USP42: variants seen among roughly 807,000 people sequenced by gnomAD.
USP42 encodes the protein ubiquitin carboxyl-terminal hydrolase 42.
In USP42, 23 loss-of-function variants were observed where a neutral mutation model predicts 113.0. The observed-to-expected ratio is 0.20, with a 90% CI of 0.15 to 0.29. USP42 has a LOEUF of 0.29. Ranked by LOEUF, USP42 falls within the 10% of genes least tolerant of loss-of-function variation. The pLI is 1.00. For synonymous variants in USP42, 933 were observed against 699.0 expected (o/e 1.33, Z -5.28); for missense variants, 2,174 against 1,779.8 (o/e 1.22, Z -3.99).
intron 6 of USP42, 117 bp downstream of exon 6, chr7:6,140,312 A>T: frequency 1.1e-6 from 1 of 938,084 alleles, no homozygotes; most frequent in Non-Finnish European, 1.6e-6. Context: ...TCCAGCCCAG[A>T]TTCTCATTCC....
intron 3 of USP42, among the ~76,000 whole-genome samples, chr7:6,115,776 G>T (rs1003494167): frequency 6.6e-6 from 1 of 152,014 alleles, no homozygotes; most frequent in Non-Finnish European, 1.5e-5. Flanking sequence ...TGAACTCCTT[G>T]TTGGTTTTCT....
intron 3 of USP42, among the ~76,000 whole-genome samples, chr7:6,130,066 G>C (rs916084170): frequency 1.3e-5 from 2 of 152,136 alleles, no homozygotes; most frequent in Non-Finnish European, 2.9e-5. Context: ...GCTCACTGCA[G>C]CTCCCACCTC....
intron 3 of USP42, among the ~76,000 whole-genome samples, chr7:6,117,893 C>G (rs1449360528): frequency 6.6e-6 from 1 of 152,054 alleles, no homozygotes; most frequent in East Asian, 1.9e-4. Flanking sequence ...GCTAAAATGC[C>G]TGTTGAAATC....
At chr7:6,151,212 G>A (rs1782028881) in intron 14 of USP42, among the ~76,000 whole-genome samples, 1 of 152,242 alleles carries the variant, frequency 6.6e-6, no homozygotes, top group African/African-American at 2.4e-5. Context: ...TGAGTGCTGA[G>A]TGAATGTGGA....
the USP42 span, among the ~76,000 whole-genome samples, chr7:6,098,766 G>A: frequency 6.7e-6 from 1 of 149,926 alleles, no homozygotes; most frequent in Non-Finnish European, 1.5e-5. Flanking sequence ...GGCTGGTCTT[G>A]AACTCCTGAT....
Position 6,154,574 on chromosome 7 carries a change from G to C in USP42, c.3020G>C (p.Ser1007Thr). Residue 1007 changes from serine to threonine, a missense_variant, in exon 15 of 18, where the codon AGC becomes ACC. Ser to Thr is a moderately conservative substitution (Grantham distance 58). Transcript: ENST00000306177. ...CACCCCGGCCACGGCGACAGGCTCA[G>C]CCCTGGCGAGCGCCGCTCTCTGGGC... ...EHHPGHGDRL[S>T]PGERRSLGRC... 2 of 1,560,132 alleles carry C rather than the reference G, an allele frequency of 1.3e-6. No homozygotes were observed. Among genetic ancestry groups the C allele is most frequent in the Non-Finnish European group, 8.7e-7 (1 of 1,154,812 alleles).
In USP42 at chr7:6,154,101, G is replaced by C; in HGVS notation, c.2547G>C (p.Ala849=). 1 of 1,603,826 alleles carries C rather than the reference G, an allele frequency of 6.2e-7. No individual in the cohort carries two copies. The highest frequency in any genetic ancestry group is 2.2e-5 in the East Asian group (1 of 44,802). The change falls in exon 15 of 18, where the codon GCG becomes GCC. Residue 849 remains alanine (A), a synonymous_variant. Transcript: ENST00000306177. ...IAEGPRDSAL[A]EAPEGLSPAP... is the part of the protein sequence containing the mutation. Reference sequence around the variant, plus strand: ...AGGGCCCGCGGGACTCGGCGTTGGCGGAAGCCCCGGAAGGGTTGAGTCCGG... The same window carrying C: ...AGGGCCCGCGGGACTCGGCGTTGGCCGAAGCCCCGGAAGGGTTGAGTCCGG...
intron 15 of USP42, among the ~76,000 whole-genome samples, chr7:6,155,592 A>G (rs1782399809): frequency 1.3e-5 from 2 of 152,156 alleles, no homozygotes; most frequent in Admixed American, 6.5e-5. Context: ...CATATCTGTT[A>G]TATTTTCCTG....
Position 6,155,052 on chromosome 7 carries a change from T to C in USP42, c.3498T>C (p.Ser1166=), listed in dbSNP as rs1426674524. ...AGTCCCGGAAACGGAGACACGACAG[T>C]GTGGAGAACAGTGACAGTCATGTTG... The part of the protein sequence containing the change: ...NGKSRKRRHD[S]VENSDSHVEK... Residue 1166 remains serine (S), a synonymous_variant, in exon 15 of 18, where the codon AGT becomes AGC. Coordinates refer to ENST00000306177, the MANE Select transcript of USP42 (RefSeq NM_032172.3). 1.9e-6 allele frequency: 3 copies of C among 1,562,958 alleles called. No homozygotes were observed. The highest frequency in any genetic ancestry group is 2.6e-6 in the Non-Finnish European group (3 of 1,153,716).
At chr7:6,105,324 G>C (rs1287835004) in intron 1 of USP42, among the ~76,000 whole-genome samples, 2 of 147,916 alleles carry the variant, frequency 1.4e-5, no homozygotes, top group Non-Finnish European at 3.0e-5. Context: ...GGCCCCCCTG[G>C]TTGCCATGGA....
upstream of USP42, among the ~76,000 whole-genome samples, chr7:6,101,234 G>A (rs117396651): frequency 2.6e-5 from 4 of 150,990 alleles, no homozygotes; most frequent in African/African-American, 9.9e-5. Flanking sequence ...GGAAGCATCC[G>A]CCAGTAAGGA....
Position 6,139,253 on chromosome 7 carries a change from C to T in USP42, c.656+59C>T, listed in dbSNP as rs1781320011. ...TGGGGATCTCTGGTTGTAGTTTATT[C>T]TTATCAGAATTCATTTTCACCTTTT... On this transcript the variant is annotated intron_variant, in intron 5 of 17. Transcript: ENST00000306177. The surrounding 1 kb of genome is among the most constrained non-coding windows in gnomAD (Gnocchi z 4.5). 7.6e-7 allele frequency: 1 copy of T among 1,321,606 alleles called. No homozygotes were observed. The allele number at this position is 1,321,606 out of a possible 1,614,324, so 81.9% of individuals were successfully genotyped here.
chr7:6,132,800 T>C (rs1780923332), intron 3 of USP42, among the ~76,000 whole-genome samples: 1 of 152,142 alleles, frequency 6.6e-6, no homozygotes, highest in Non-Finnish European at 1.5e-5. Context: ...GCCTCCTGAG[T>C]AGCTGGGACC....
Position 6,121,264 on chromosome 7 carries a change from A to G in USP42, c.442+5741A>G, listed in dbSNP as rs150726419. ...AGCATTCAGTCTTTTACCATTAAGT[A>G]TGGTGTTGTAGGTTTTTCATAGATG... is the stretch of plus-strand genomic sequence containing the variant. On this transcript the variant is annotated intron_variant, in intron 3 of 17. Transcript: ENST00000306177. Among the ~76,000 whole-genome samples the G allele has an allele frequency of 2.6e-4, 40 of 152,264 alleles. No homozygotes were observed. In the Middle Eastern group the frequency reaches 0.02, roughly 78 times the overall value.
At chr7:6,110,094 A>T (rs1325001476) in intron 1 of USP42, among the ~76,000 whole-genome samples, 3 of 151,774 alleles carry the variant, frequency 2.0e-5, no homozygotes, top group Non-Finnish European at 2.9e-5. Flanking sequence ...TTGGCCTCCC[A>T]AGGTGCTGCA....
At chr7:6,090,352 ATATATATTTATATATATTTCTT>A in the USP42 span, among the ~76,000 whole-genome samples, 1 of 142,608 alleles carries the variant, frequency 7.0e-6, no homozygotes, top group Non-Finnish European at 1.5e-5. Flanking sequence ...ATATATTTAT[ATATATATTTATATATATTTCTT>A]TATATATATT....
In USP42 at chr7:6,154,318, G is replaced by T; in HGVS notation, c.2764G>T (p.Glu922Ter). ...AGGGGACGCTGAGCCTAGCCCCGGCGAGAGGGTCGAGGACGCCGCGGCGCC... is the reference window on the plus strand; with the variant it reads ...AGGGGACGCTGAGCCTAGCCCCGGCTAGAGGGTCGAGGACGCCGCGGCGCC... ...PEGDAEPSPG[E>*]RVEDAAAPKA... The change falls in exon 15 of 18, where the codon GAG (glutamate) becomes TAG (stop). Residue 922 changes from glutamate to a stop codon, truncating the protein, a stop_gained. Transcript: ENST00000306177. LOFTEE classifies it high-confidence loss of function. 6.3e-7 allele frequency: 1 copy of T among 1,577,560 alleles called. No individual in the cohort carries two copies. The highest frequency in any genetic ancestry group is 1.1e-5 in the South Asian group (1 of 87,140).
intron 3 of USP42, among the ~76,000 whole-genome samples, chr7:6,129,860 CAA>C (rs35237852): frequency 3.8e-4 from 28 of 73,090 alleles, no homozygotes; most frequent in Admixed American, 9.9e-4. Context: ...GACTCTGTCT[CAA>C]AAAAAAAAAA....
chr7:6,143,038 C>A, intron 8 of USP42, 24 bp downstream of exon 8: 1 of 1,612,956 alleles, frequency 6.2e-7, no homozygotes, highest in Non-Finnish European at 8.5e-7. Flanking sequence ...TGACTTGATT[C>A]TTGATGCCGG....
Sources: gnomAD v4.1 joint callset for allele counts (sites outside exome capture counted in the v4.1 genomes callset) on GRCh38, gnomAD v4.1.1 for gene constraint, Gnocchi (gnomAD v3.1) non-coding constraint, MANE v1.5 for transcripts, NCBI Gene and HGNC (gene_info 2026-07-23, HGNC 2026-07-21) for gene names.